Variants in CD160 observed in about 807,000 individuals in gnomAD.
The protein encoded by CD160 is CD160 molecule.
A neutral mutation model predicts 19.2 loss-of-function variants in CD160; 11 were observed. That is an observed-to-expected ratio of 0.57 (90% CI 0.36 to 0.95). CD160 has a LOEUF of 0.95. CD160 is among the 40% of genes least tolerant of loss of function. CD160 has a pLI of 0.01. For synonymous variants in CD160, 75 were observed against 81.1 expected (o/e 0.93, Z 0.40); for missense variants, 182 against 213.2 (o/e 0.85, Z 0.91).
At chr1:145,724,657 A>T (rs1429198480) in intron 1 of CD160, 144 bp from the exon 2 acceptor site, 5 of 152,230 alleles carry the variant, frequency 3.3e-5, no homozygotes, top group Admixed American at 3.3e-4. Flanking sequence ...GTTAATTAAT[A>T]GATTTCCTAA....
chr1:145,736,281 A>G, intron 5 of CD160, 147 bp downstream of exon 5: 1 of 1,552,828 alleles, frequency 6.4e-7, no homozygotes, highest in Non-Finnish European at 8.7e-7. Flanking sequence ...TCCACAGGAA[A>G]GTTCAAACCA....
chr1:145,727,451 G>A (rs1553708539), intron 2 of CD160, among the ~76,000 whole-genome samples: 1 of 151,958 alleles, frequency 6.6e-6, no homozygotes, highest in Non-Finnish European at 1.5e-5. Context: ...ACTATAAAAA[G>A]TAAAACAATA....
At chr1:145,734,157 A>C (rs1006882606) in intron 4 of CD160, among the ~76,000 whole-genome samples, 1 of 152,098 alleles carries the variant, frequency 6.6e-6, no homozygotes, top group Non-Finnish European at 1.5e-5. Flanking sequence ...CTTTCCTTCC[A>C]AAGGTGTTTT....
At chr1:145,723,560 A>G (rs996447727) in intron 1 of CD160, among the ~76,000 whole-genome samples, 1 of 152,196 alleles carries the variant, frequency 6.6e-6, no homozygotes, top group African/African-American at 2.4e-5. Flanking sequence ...CATTCTCACC[A>G]GTGGGTCTTC....
intron 5 of CD160, chr1:145,736,437 C>G (rs868918431): frequency 2.0e-6 from 1 of 490,816 alleles, no homozygotes. Context: ...CAGAGGGCTA[C>G]AAGTTGAAGC....
rs782548833 is a variant in CD160 at position 145,730,732 on chromosome 1, T to C, written c.74-12T>C. 8 of 1,606,414 alleles carry C rather than the reference T, an allele frequency of 5.0e-6. No homozygotes were observed. In the African/African-American group the frequency reaches 1.1e-4, roughly 21 times the overall value. On this transcript the variant is annotated splice_polypyrimidine_tract_variant and intron_variant, in intron 3 of 5. Coordinates refer to ENST00000369288, the MANE Select transcript of CD160 (RefSeq NM_007053.4). ...ACCTGACCTCTGGGTAATTCTTCCC[T>C]TTCCATTCCAGGATGCATTAACATC...
At chr1:145,731,207 G>A in intron 4 of CD160, 137 bp downstream of exon 4, 5 of 703,234 alleles carry the variant, frequency 7.1e-6, no homozygotes, top group Non-Finnish European at 1.3e-5. Flanking sequence ...CCCATTGGCA[G>A]ATGCTGCCTT....
At chr1:145,725,061 G>A (rs1482248930) in intron 2 of CD160, among the ~76,000 whole-genome samples, 155 bp downstream of exon 2, 1 of 151,460 alleles carries the variant, frequency 6.6e-6, no homozygotes, top group Non-Finnish European at 1.5e-5. Context: ...ACCGCAACTG[G>A]GCCTTTCAAT....
chr1:145,725,399 C>T (rs1457674008), intron 2 of CD160, among the ~76,000 whole-genome samples: 1 of 152,016 alleles, frequency 6.6e-6, no homozygotes, highest in Non-Finnish European at 1.5e-5. Context: ...AAGCCAAGAT[C>T]GTGCCACTGC....
chr1:145,727,211 C>T (rs587703856), intron 2 of CD160, among the ~76,000 whole-genome samples: 1 of 152,144 alleles, frequency 6.6e-6, no homozygotes, highest in Admixed American at 6.5e-5. Context: ...ATTTTATATA[C>T]ATAATTGCAA....
At position 145,721,239 on chromosome 1, in the gene CD160, C is replaced by A. The variant is rs587696361; in HGVS notation, c.-179+1680C>A. On this transcript the variant is annotated intron_variant, in intron 1 of 5. Coordinates refer to ENST00000369288, the MANE Select transcript of CD160 (RefSeq NM_007053.4). ...AGTTTAGACTTTCCCTGGCTAGCCCCCATGCTCGCTGGATGGCCCATGGCT... is the reference window on the plus strand; with the variant it reads ...AGTTTAGACTTTCCCTGGCTAGCCCACATGCTCGCTGGATGGCCCATGGCT... Among the ~76,000 whole-genome samples, 3 of 152,334 alleles carry A rather than the reference C, an allele frequency of 2.0e-5. No individual in the cohort carries two copies. The South Asian group carries it at 6.2e-4, about 32-fold the overall frequency.
chr1:145,723,165 G>A (rs1656920542), intron 1 of CD160, among the ~76,000 whole-genome samples: 1 of 152,184 alleles, frequency 6.6e-6, no homozygotes, highest in African/African-American at 2.4e-5. Flanking sequence ...GGACATTGGG[G>A]CCATACCATG....
chr1:145,728,017 T>C (rs1657119631), intron 2 of CD160, among the ~76,000 whole-genome samples: 1 of 152,114 alleles, frequency 6.6e-6, no homozygotes, highest in South Asian at 2.1e-4. Flanking sequence ...GCAATCCAAT[T>C]TAACTTAAAA....
intron 1 of CD160, among the ~76,000 whole-genome samples, chr1:145,720,826 G>T (rs1656809188): frequency 6.6e-6 from 1 of 152,204 alleles, no homozygotes; most frequent in Admixed American, 6.5e-5. Context: ...GCAATGTGCT[G>T]GTCACACAAA....
At chr1:145,722,210 T>A (rs962312435) in intron 1 of CD160, among the ~76,000 whole-genome samples, 5 of 152,218 alleles carry the variant, frequency 3.3e-5, no homozygotes, top group African/African-American at 9.7e-5. Context: ...TAGCTATCAT[T>A]TATTGAGCCC....
At chr1:145,730,484 T>C (rs761772044) in intron 3 of CD160, among the ~76,000 whole-genome samples, 8 of 152,166 alleles carry the variant, frequency 5.3e-5, no homozygotes, top group Non-Finnish European at 1.2e-4. Flanking sequence ...AACCTATGAA[T>C]TAATGGATGC....
intron 5 of CD160, chr1:145,737,831 T>A (rs1553710419): frequency 1.3e-5 from 2 of 151,584 alleles, no homozygotes; most frequent in Non-Finnish European, 1.5e-5. Flanking sequence ...TTGAATCCAA[T>A]TTTTTGTTTT....
At chr1:145,737,346 T>C (rs1402144582) in intron 5 of CD160, 1 of 152,078 alleles carries the variant, frequency 6.6e-6, no homozygotes, top group Non-Finnish European at 1.5e-5. Flanking sequence ...AGTAATGATC[T>C]ACTATATGCA....
intron 4 of CD160, among the ~76,000 whole-genome samples, chr1:145,733,193 G>T (rs901510749): frequency 6.6e-6 from 1 of 152,028 alleles, no homozygotes; most frequent in South Asian, 2.1e-4. Context: ...GAGAGCAGTG[G>T]CGTGATCTCT....
Sources: gnomAD v4.1 joint callset for allele counts (sites outside exome capture counted in the v4.1 genomes callset) on GRCh38, gnomAD v4.1.1 for gene constraint, MANE v1.5 for transcripts, NCBI Gene and HGNC (gene_info 2026-07-23, HGNC 2026-07-21) for gene names.